NUP42: variants seen among roughly 807,000 people sequenced by gnomAD.
The protein encoded by NUP42 is nucleoporin 42.
A neutral mutation model predicts 35.9 loss-of-function variants in NUP42; 47 were observed. The ratio of observed to expected loss-of-function variants is 1.31; its 90% CI spans 1.04 to 1.67. NUP42 has a LOEUF of 1.67. Ranked by LOEUF, NUP42 falls within the 40% of genes most tolerant of loss-of-function variation. The pLI is 0.00. For missense variants in NUP42, 514 were observed against 492.2 expected, an observed-to-expected ratio of 1.04 and a Z score of -0.42; for synonymous variants, 173 against 173.3, an observed-to-expected ratio of 1.00 and a Z score of 0.01.
chr7:23,198,202 A>ATTTTT (rs1554296929), intron 5 of NUP42: 4 of 107,176 alleles, frequency 3.7e-5, no homozygotes, highest in Admixed American at 9.2e-5. Flanking sequence ...AAACAAAAGC[A>ATTTTT]TTCTTTTTTT....
In NUP42 at chr7:23,186,354, C is replaced by T. The variant is rs1002683086; in HGVS notation, c.351-698C>T. Among the ~76,000 whole-genome samples, 5 of 152,268 alleles carry T rather than the reference C, an allele frequency of 3.3e-5. No individual in the cohort carries two copies. The South Asian group carries it at 1.0e-3, about 32-fold the overall frequency. On this transcript the variant is annotated intron_variant, in intron 2 of 6. Transcript: ENST00000258742. Reference sequence around the variant, plus strand: ...TAAGTAAATGAGCAAACAAAACCTTCCTTTCTGCATTTGTTGCAATTCTAA... The same window carrying T: ...TAAGTAAATGAGCAAACAAAACCTTTCTTTCTGCATTTGTTGCAATTCTAA...
chr7:23,182,312 C>T, intron 1 of NUP42, 106 bp downstream of exon 1: 1 of 1,498,474 alleles, frequency 6.7e-7, no homozygotes, highest in Non-Finnish European at 8.9e-7. Flanking sequence ...AACGTGCCCG[C>T]GTCGCGGCCT....
chr7:23,189,908 G>C (rs1785731790), intron 3 of NUP42, among the ~76,000 whole-genome samples: 1 of 144,858 alleles, frequency 6.9e-6, no homozygotes, highest in Non-Finnish European at 1.5e-5. Context: ...GTGAGACTCT[G>C]TCTCAAAAAA....
chr7:23,188,008 T>TTTTA, intron 3 of NUP42: 1 of 1,050,926 alleles, frequency 9.5e-7, no homozygotes. Context: ...TTATTTTTTA[T>TTTTA]TTTTATTTTT....
chr7:23,200,570 A>G lies in NUP42; in HGVS notation c.1097A>G (p.Asn366Ser), dbSNP rs775633745. Residue 366 changes from asparagine (N) to serine (S), a missense_variant, in exon 7 of 7, where the codon AAT becomes AGT. Physicochemically the swap from Asn to Ser is conservative, Grantham distance 46 (BLOSUM62 1). Transcript: ENST00000258742. ...FSKPSSDTFG[N>S]SSISTSLSAS... ...AAGCCATCCAGTGACACTTTTGGAA[A>G]TAGCAGCATATCCACTTCTCTGTCA... 5.6e-6 allele frequency: 9 copies of G among 1,614,062 alleles called. No homozygotes were observed. Among genetic ancestry groups the G allele is most frequent in the Middle Eastern group, 1.6e-4 (1 of 6,084 alleles).
chr7:23,185,217 A>C lies in NUP42; in HGVS notation c.269A>C (p.Asn90Thr). 1 of 1,614,138 alleles carries C rather than the reference A, an allele frequency of 6.2e-7. No homozygotes were observed. Among genetic ancestry groups the C allele is most frequent in the Non-Finnish European group, 8.5e-7 (1 of 1,180,028 alleles). Residue 90 changes from asparagine (N) to threonine (T), a missense_variant, in exon 2 of 7, where the codon AAC becomes ACC. By Grantham distance (65) the Asn-to-Thr change is moderately conservative. Coordinates refer to ENST00000258742, the MANE Select transcript of NUP42 (RefSeq NM_007342.3). The part of the protein sequence containing the change: ...FSSFDSGAST[N>T]RKEGFGLSEN... ...TCTTTTGATTCTGGAGCTTCAACTA[A>C]CAGGAAGGAAGGCTTTGGATTGTCT...
chr7:23,185,161 C>G lies in NUP42; in HGVS notation c.213C>G (p.Gly71=). 1 of 1,614,132 alleles carries G rather than the reference C, an allele frequency of 6.2e-7. No homozygotes were observed. Among genetic ancestry groups the G allele is most frequent in the South Asian group, 1.1e-5 (1 of 91,078 alleles). Residue 71 remains glycine, a synonymous_variant, in exon 2 of 7, where the codon GGC becomes GGG. Transcript: ENST00000258742. ...TCTCCAAATCCACACCATGGGGGGG[C>G]AGCAGAGATCAAGAAAAGCCATATT... The part of the protein sequence containing the change: ...SSFSKSTPWG[G]SRDQEKPYFS...
In NUP42 at chr7:23,200,227, T is replaced by C; in HGVS notation, c.754T>C (p.Ser252Pro). The C allele has an allele frequency of 6.2e-7, 1 of 1,604,048 alleles. No individual in the cohort carries two copies. The highest frequency in any genetic ancestry group is 8.5e-7 in the Non-Finnish European group (1 of 1,173,896). The change falls in exon 7 of 7, where the codon TCT becomes CCT. Residue 252 changes from serine (S) to proline (P), a missense_variant. By Grantham distance (74) the Ser-to-Pro change is moderately conservative. Transcript: ENST00000258742. ...NAQNFSFKTN[S>P]GFAAASSGSP... The stretch of plus-strand genomic sequence containing the variant: ...TCAGAACTTTAGTTTTAAAACAAAC[T>C]CTGGATTTGCTGCTGCCTCTTCTGG...
chr7:23,197,131 T>C, intron 5 of NUP42: 1 of 981,504 alleles, frequency 1.0e-6, no homozygotes, highest in African/African-American at 1.7e-5. Flanking sequence ...TAATGTATCG[T>C]TTTGCGACTG....
chr7:23,200,536 G>A lies in NUP42; in HGVS notation c.1063G>A (p.Ala355Thr). 6.2e-7 allele frequency: 1 copy of A among 1,614,040 alleles called. No individual in the cohort carries two copies. Residue 355 changes from alanine (A) to threonine (T), a missense_variant, in exon 7 of 7, where the codon GCT (alanine) becomes ACT (threonine). Transcript: ENST00000258742. ...TAGTCCGGGCTCACATTCTCACACTGCTTTTTCTAAGCCATCCAGTGACAC... is the reference window on the plus strand; with the variant it reads ...TAGTCCGGGCTCACATTCTCACACTACTTTTTCTAAGCCATCCAGTGACAC... ...FGSPGSHSHT[A>T]FSKPSSDTFG...
In NUP42 at chr7:23,182,117, G is replaced by T. The variant is rs373954436; in HGVS notation, c.32G>T (p.Arg11Leu). MAICQFFLQG[R>L]CRFGDRCWNE... ...ATTTGTCAATTCTTCCTTCAAGGCC[G>T]GTGCCGCTTTGGAGATCGGTGCTGG... The change falls in exon 1 of 7, where the codon CGG (arginine) becomes CTG (leucine). Residue 11 changes from arginine (R) to leucine (L), a missense_variant. Coordinates refer to ENST00000258742, the MANE Select transcript of NUP42 (RefSeq NM_007342.3). 1.2e-6 allele frequency: 2 copies of T among 1,614,172 alleles called. No individual in the cohort carries two copies. The highest frequency in any genetic ancestry group is 1.1e-5 in the South Asian group (1 of 91,088).
rs749480791 is a variant in NUP42, at chr7:23,188,015, T to TA, written c.445+869_445+870insA. 6 of 1,091,876 alleles carry TA rather than the reference T, an allele frequency of 5.5e-6. No homozygotes were observed. The East Asian group carries it at 8.6e-5, about 16-fold the overall frequency. 67.6% of individuals were successfully genotyped at this position (1,091,876 alleles called of 1,614,324 possible). A position where few individuals can be genotyped will look rare whatever the true frequency, so the allele number is the denominator to read the frequency against. ...CTCTTTTTTTATTTTTTATTTTTATTTTTTTTTTTGTCCATAGTCCCTAAG... is the reference window on the plus strand; with the variant it reads ...CTCTTTTTTTATTTTTTATTTTTATTATTTTTTTTTGTCCATAGTCCCTAAG... On this transcript the variant is annotated intron_variant, in intron 3 of 6. Transcript: ENST00000258742.
At chr7:23,197,366 G>GAGA in intron 5 of NUP42, 6 of 421,354 alleles carry the variant, frequency 1.4e-5, no homozygotes, top group Non-Finnish European at 2.5e-5. Flanking sequence ...TTTCTACTCT[G>GAGA]TATAAGGATA....
intron 3 of NUP42, chr7:23,188,302 A>G (rs1785674190): frequency 1.7e-6 from 2 of 1,189,638 alleles, no homozygotes; most frequent in Non-Finnish European, 2.1e-6. Flanking sequence ...AGTGCTAGGA[A>G]TATAGTGATG....
intron 1 of NUP42, 134 bp downstream of exon 1, chr7:23,182,340 C>A (rs1785437289): frequency 2.1e-6 from 3 of 1,454,998 alleles, no homozygotes; most frequent in Non-Finnish European, 2.7e-6. Context: ...CCTACTGGGC[C>A]CTGCACAACG....
chr7:23,187,697 C>T (rs1275891734), intron 3 of NUP42, among the ~76,000 whole-genome samples: 2 of 146,972 alleles, frequency 1.4e-5, no homozygotes, highest in Non-Finnish European at 3.0e-5. Flanking sequence ...ACCTCTGCCT[C>T]CCAGGTTCAA....
chr7:23,186,059 A>T (rs1785584823), intron 2 of NUP42, among the ~76,000 whole-genome samples: 2 of 152,244 alleles, frequency 1.3e-5, no homozygotes, highest in Non-Finnish European at 2.9e-5. Context: ...ATTTCTTTCT[A>T]AAACTTTTAC....
intron 3 of NUP42, chr7:23,194,898 C>T (rs1439378783): frequency 2.7e-5 from 4 of 150,720 alleles, no homozygotes; most frequent in Non-Finnish European, 4.4e-5. Flanking sequence ...CCATGTTAGC[C>T]AGGATGGTCT....
At chr7:23,188,067 C>G in intron 3 of NUP42, 1 of 1,444,652 alleles carries the variant, frequency 6.9e-7, no homozygotes, top group East Asian at 2.8e-5. Context: ...ACCTAGACCA[C>G]CGGGCTTTCC....
Sources: allele counts gnomAD v4.1 joint callset (sites outside exome capture counted in the v4.1 genomes callset), GRCh38; gene constraint gnomAD v4.1.1; transcripts MANE v1.5; gene names NCBI Gene and HGNC (gene_info 2026-07-23, HGNC 2026-07-21).